Variants in UEVLD observed in about 807,000 individuals in gnomAD.
UEVLD encodes ubiquitin-conjugating enzyme E2 variant 3.
UEVLD carries 47 observed loss-of-function variants against 58.6 expected under a neutral mutation model. The ratio of observed to expected loss-of-function variants is 0.80; its 90% CI spans 0.63 to 1.02. UEVLD has a LOEUF of 1.02. Among genes scored for constraint, UEVLD ranks in the 50% least tolerant of loss-of-function variants. UEVLD has a pLI of 0.00. For missense variants in UEVLD, 510 were observed against 550.6 expected, an observed-to-expected ratio of 0.93 and a Z score of 0.74; for synonymous variants, 197 against 195.3, an observed-to-expected ratio of 1.01 and a Z score of -0.07.
intron 6 of UEVLD, among the ~76,000 whole-genome samples, chr11:18,559,928 C>T (rs1300934295): frequency 6.6e-6 from 1 of 152,030 alleles, no homozygotes; most frequent in African/African-American, 2.4e-5. Context: ...ACCCAAAGAT[C>T]TACCAGACTA....
intron 6 of UEVLD, among the ~76,000 whole-genome samples, chr11:18,563,356 T>A (rs879507992): frequency 6.6e-6 from 1 of 150,846 alleles, no homozygotes; most frequent in Non-Finnish European, 1.5e-5. Context: ...TTTGGGAGGC[T>A]GAGGCAGGAA....
At chr11:18,580,020 C>G (rs1853146213) in intron 1 of UEVLD, among the ~76,000 whole-genome samples, 1 of 137,032 alleles carries the variant, frequency 7.3e-6, no homozygotes, top group Admixed American at 7.4e-5. Flanking sequence ...TAATCCCTAT[C>G]AAAATCCCAG....
chr11:18,583,372 C>T (rs191171492), intron 1 of UEVLD, among the ~76,000 whole-genome samples: 2 of 152,004 alleles, frequency 1.3e-5, no homozygotes, highest in East Asian at 3.9e-4. Context: ...AGGCACCCGC[C>T]ACCATGTCTG....
In UEVLD at chr11:18,570,202, A is replaced by T. The variant is rs201123462; in HGVS notation, c.357+12T>A. The T allele has an allele frequency of 7.9e-5, 125 of 1,573,460 alleles. No individual in the cohort carries two copies. The African/African-American group carries it at 1.6e-3, about 20-fold the overall frequency. On this transcript the variant is annotated intron_variant, in intron 4 of 11. Coordinates refer to ENST00000396197, the MANE Select transcript of UEVLD (RefSeq NM_001040697.4). ...AAAAAAGCTTTCTGTAGAAAATCCA[A>T]ATTGATCTTACATGGCTCCAGTTTT...
chr11:18,577,738 G>C (rs1042703454), intron 2 of UEVLD, among the ~76,000 whole-genome samples: 2 of 152,028 alleles, frequency 1.3e-5, no homozygotes, highest in Non-Finnish European at 2.9e-5. Context: ...CGGGCATGGT[G>C]GTGGGTGCCT....
intron 7 of UEVLD, 105 bp downstream of exon 7, chr11:18,558,123 G>C: frequency 1.4e-6 from 1 of 698,648 alleles, no homozygotes; most frequent in Non-Finnish European, 2.2e-6. Flanking sequence ...TGTAAAATGA[G>C]AGACTTGGAC....
intron 2 of UEVLD, among the ~76,000 whole-genome samples, chr11:18,575,990 A>C (rs1852887474): frequency 6.6e-6 from 1 of 152,146 alleles, no homozygotes; most frequent in African/African-American, 2.4e-5. Context: ...GTGTTTTAAA[A>C]ATCCAAAGGG....
intron 11 of UEVLD, among the ~76,000 whole-genome samples, chr11:18,533,780 G>A (rs1343748608): frequency 2.6e-5 from 4 of 152,076 alleles, no homozygotes; most frequent in African/African-American, 9.7e-5. Context: ...TCCGCCTCCC[G>A]AGTAGCTGGG....
At chr11:18,546,495 TTTTG>T (rs1851305063) in intron 8 of UEVLD, among the ~76,000 whole-genome samples, 2 of 137,808 alleles carry the variant, frequency 1.5e-5, no homozygotes, top group Non-Finnish European at 1.5e-5. Context: ...TTGTTTTTTA[TTTTG>T]TTTTTGTTTT....
At chr11:18,587,312 TATG>T (rs1242923412) in intron 1 of UEVLD, among the ~76,000 whole-genome samples, 1 of 152,178 alleles carries the variant, frequency 6.6e-6, no homozygotes, top group African/African-American at 2.4e-5. Context: ...AGGGTAGCAT[TATG>T]ATACTTCTCT....
intron 6 of UEVLD, among the ~76,000 whole-genome samples, chr11:18,562,002 A>C (rs1453848673): frequency 6.6e-6 from 1 of 152,186 alleles, no homozygotes; most frequent in Non-Finnish European, 1.5e-5. Flanking sequence ...TGTTGCCACT[A>C]TTATGAGTAC....
At chr11:18,565,069 C>T (rs1852230577) in intron 5 of UEVLD, 59 bp from the exon 6 acceptor site, 1 of 1,313,514 alleles carries the variant, frequency 7.6e-7, no homozygotes, top group African/African-American at 1.5e-5. Context: ...TTTTTAGGAT[C>T]TTTAAAAAAA....
chr11:18,582,585 T>C (rs1431484272), intron 1 of UEVLD, among the ~76,000 whole-genome samples: 1 of 151,960 alleles, frequency 6.6e-6, no homozygotes, highest in Non-Finnish European at 1.5e-5. Context: ...TCCACCTGTT[T>C]CACCCTCCCA....
At chr11:18,559,380 G>A (rs1851905028) in intron 6 of UEVLD, among the ~76,000 whole-genome samples, 1 of 151,772 alleles carries the variant, frequency 6.6e-6, no homozygotes, top group Non-Finnish European at 1.5e-5. Flanking sequence ...TATATTTTTG[G>A]TAGAGATGGG....
chr11:18,536,668 C>CA (rs1850811550), intron 9 of UEVLD, 199 bp from the exon 10 acceptor site: 1 of 512,798 alleles, frequency 2.0e-6, no homozygotes. Context: ...CTCTGAACTA[C>CA]AAAAAACATG....
intron 11 of UEVLD, among the ~76,000 whole-genome samples, chr11:18,533,431 C>A (rs1185346811): frequency 6.7e-6 from 1 of 150,118 alleles, no homozygotes; most frequent in Non-Finnish European, 1.5e-5. Context: ...ATTTGTCTTT[C>A]TGGCACATAA....
At position 18,536,440 on chromosome 11, in the gene UEVLD, C is replaced by T; in HGVS notation, c.1090G>A (p.Val364Met). Residue 364 changes from valine (V) to methionine (M), a missense_variant, in exon 10 of 12, where the codon GTG becomes ATG. By Grantham distance (21) the Val-to-Met change is conservative. Coordinates refer to ENST00000396197, the MANE Select transcript of UEVLD (RefSeq NM_001040697.4). Reference sequence around the variant, plus strand: ...AGCTGCACTTGAGAGGTATGACTCACTACTTCTTCTTGGCCACTCCATGTG... The same window carrying T: ...AGCTGCACTTGAGAGGTATGACTCATTACTTCTTCTTGGCCACTCCATGTG... The part of the protein sequence containing the change: ...VLTWSGQEEV[V>M]SHTSQVQLSN... 6.2e-7 allele frequency: 1 copy of T among 1,613,906 alleles called. No individual in the cohort carries two copies. The highest frequency in any genetic ancestry group is 8.5e-7 in the Non-Finnish European group (1 of 1,179,920).
At chr11:18,571,130 G>C (rs976297767) in intron 3 of UEVLD, among the ~76,000 whole-genome samples, 1 of 151,900 alleles carries the variant, frequency 6.6e-6, no homozygotes, top group Non-Finnish European at 1.5e-5. Flanking sequence ...TTGACCACTT[G>C]AGGTCAGGAG....
At chr11:18,544,039 T>C (rs149897981) in intron 9 of UEVLD, among the ~76,000 whole-genome samples, 138 of 152,354 alleles carry the variant, frequency 9.1e-4, no homozygotes, top group African/African-American at 3.2e-3. Context: ...AATGTTTCTT[T>C]CTGGAAAATT....
Sources: gnomAD v4.1 joint callset for allele counts (sites outside exome capture counted in the v4.1 genomes callset) on GRCh38, gnomAD v4.1.1 for gene constraint, MANE v1.5 for transcripts, NCBI Gene and HGNC (gene_info 2026-07-23, HGNC 2026-07-21) for gene names.